Variants in PDE4B observed in about 807,000 individuals in gnomAD.
PDE4B encodes phosphodiesterase 4B, also known as 3',5'-cyclic-AMP phosphodiesterase 4B.
A neutral mutation model predicts 82.2 loss-of-function variants in PDE4B; 20 were observed. That is an observed-to-expected ratio of 0.24 (90% CI 0.17 to 0.35). The LOEUF is 0.35. PDE4B is among the 10% of genes least tolerant of loss of function. The pLI is 1.00. For missense variants in PDE4B, 655 were observed against 907.2 expected (o/e 0.72, Z 3.57); for synonymous variants, 320 against 318.9 (o/e 1.00, Z -0.04).
intron 1 of PDE4B, among the ~76,000 whole-genome samples, chr1:65,890,024 T>C (rs1306394471): frequency 1.3e-5 from 2 of 152,064 alleles, no homozygotes; most frequent in East Asian, 3.8e-4. Context: ...AGCAGCTAAG[T>C]CACTAATGAA....
chr1:66,050,784 T>C (rs576486120), intron 3 of PDE4B: 61 of 152,278 alleles, frequency 4.0e-4, no homozygotes, highest in African/African-American at 1.4e-3. Context: ...CATCGAGGTA[T>C]TGGAGATCCG....
intron 1 of PDE4B, among the ~76,000 whole-genome samples, chr1:65,897,017 A>T (rs1267219516): frequency 1.3e-5 from 2 of 152,142 alleles, no homozygotes; most frequent in Non-Finnish European, 2.9e-5. Context: ...TGGGATTGTG[A>T]TTCAGCAAAG....
intron 7 of PDE4B, among the ~76,000 whole-genome samples, chr1:66,289,292 G>C (rs1656900874): frequency 6.6e-6 from 1 of 151,982 alleles, no homozygotes; most frequent in South Asian, 2.1e-4. Flanking sequence ...AAAAGAAATG[G>C]ACTTCCTCTC....
intron 3 of PDE4B, among the ~76,000 whole-genome samples, chr1:66,048,402 A>G (rs1239411110): frequency 1.3e-5 from 2 of 151,936 alleles, no homozygotes; most frequent in African/African-American, 4.8e-5. Context: ...ATATCCTTTT[A>G]TGACTTGGGG....
chr1:66,355,091 C>T, intron 8 of PDE4B: 1 of 446,248 alleles, frequency 2.2e-6, no homozygotes, highest in East Asian at 3.5e-5. Flanking sequence ...TAATCCTGTT[C>T]TTTTTACTGA....
chr1:66,152,818 G>A (rs1315448251), intron 3 of PDE4B, among the ~76,000 whole-genome samples: 3 of 151,940 alleles, frequency 2.0e-5, no homozygotes, highest in African/African-American at 7.3e-5. Context: ...TAGCAGACTG[G>A]AAACTTAAGC....
At chr1:66,305,023 C>G (rs1157075063) in intron 7 of PDE4B, among the ~76,000 whole-genome samples, 1 of 152,124 alleles carries the variant, frequency 6.6e-6, no homozygotes, top group African/African-American at 2.4e-5. Context: ...ATGCCCTTCT[C>G]TCAGAAGATG....
intron 3 of PDE4B, among the ~76,000 whole-genome samples, chr1:66,075,952 C>G (rs1339679073): frequency 1.3e-5 from 2 of 151,722 alleles, no homozygotes; most frequent in African/African-American, 4.8e-5. Flanking sequence ...ATGGGCCAAG[C>G]AAAACAAGTC....
At chr1:65,890,262 A>G (rs1646839071) in intron 1 of PDE4B, among the ~76,000 whole-genome samples, 1 of 152,104 alleles carries the variant, frequency 6.6e-6, no homozygotes, top group Non-Finnish European at 1.5e-5. Flanking sequence ...TTTCATGGAA[A>G]GACCATTTCT....
chr1:66,288,273 G>A lies in PDE4B; in HGVS notation c.634+22186G>A, dbSNP rs149350655. ...ATCTTATGAGAAATCACTCACTACC[G>A]CAAACACACCACCAAGGGAATGGTG... is the stretch of plus-strand genomic sequence containing the variant. On this transcript the variant is annotated intron_variant, in intron 7 of 16. Transcript: ENST00000341517. 8.3e-3 allele frequency among the ~76,000 whole-genome samples: 1,255 copies of A among 152,062 alleles called. 12 individuals are homozygous for A. Among genetic ancestry groups the A allele is most frequent in the African/African-American group, 0.028 (1,180 of 41,482 alleles).
intron 1 of PDE4B, among the ~76,000 whole-genome samples, chr1:65,806,499 T>C (rs1360539148): frequency 1.3e-5 from 2 of 152,234 alleles, no homozygotes; most frequent in Non-Finnish European, 2.9e-5. Flanking sequence ...ATAGCTTAGA[T>C]GAGTTATTCT....
intron 3 of PDE4B, among the ~76,000 whole-genome samples, chr1:66,203,824 A>G (rs1309826690): frequency 2.0e-5 from 3 of 152,008 alleles, no homozygotes; most frequent in African/African-American, 4.8e-5. Flanking sequence ...TAGTTTGATC[A>G]TCTGAAGCCT....
intron 3 of PDE4B, among the ~76,000 whole-genome samples, chr1:66,068,020 C>A (rs1181348489): frequency 6.6e-6 from 1 of 151,134 alleles, no homozygotes; most frequent in African/African-American, 2.4e-5. Flanking sequence ...GTGCAGCACA[C>A]CAACATGGCA....
intron 7 of PDE4B, among the ~76,000 whole-genome samples, chr1:66,318,253 T>G (rs1398988854): frequency 6.6e-6 from 1 of 152,206 alleles, no homozygotes; most frequent in East Asian, 1.9e-4. Flanking sequence ...TCTCTGAGCC[T>G]CAGTTTACTC....
At chr1:65,793,865 C>T (rs549799255) in intron 1 of PDE4B, among the ~76,000 whole-genome samples, 14 of 152,314 alleles carry the variant, frequency 9.2e-5, no homozygotes, top group East Asian at 3.9e-4. Flanking sequence ...CTGTCACTTT[C>T]CTTCATGCCT....
intron 3 of PDE4B, among the ~76,000 whole-genome samples, chr1:66,213,669 C>T (rs1039858494): frequency 2.6e-5 from 4 of 152,122 alleles, no homozygotes; most frequent in African/African-American, 7.2e-5. Context: ...ATGGAGACCA[C>T]GTGTATGGCT....
intron 3 of PDE4B, among the ~76,000 whole-genome samples, chr1:65,972,102 T>C (rs1650170432): frequency 6.6e-6 from 1 of 152,158 alleles, no homozygotes; most frequent in East Asian, 1.9e-4. Context: ...TGACTGTGCA[T>C]TTATTGGATT....
At chr1:66,043,985 A>G (rs1654538977) in intron 3 of PDE4B, among the ~76,000 whole-genome samples, 1 of 151,758 alleles carries the variant, frequency 6.6e-6, no homozygotes, top group East Asian at 1.9e-4. Flanking sequence ...TCACTTGGTT[A>G]TGGGAGGACA....
At chr1:65,995,196 TCA>T (rs1165599933) in intron 3 of PDE4B, among the ~76,000 whole-genome samples, 7 of 152,180 alleles carry the variant, frequency 4.6e-5, no homozygotes, top group Non-Finnish European at 8.8e-5. Flanking sequence ...TTCTTTCAAC[TCA>T]CACATTCCCC....
Sources: allele counts gnomAD v4.1 joint callset (sites outside exome capture counted in the v4.1 genomes callset), GRCh38; gene constraint gnomAD v4.1.1; transcripts MANE v1.5; gene names NCBI Gene and HGNC (gene_info 2026-07-23, HGNC 2026-07-21).